Variants in ZNF778 observed in about 807,000 individuals in gnomAD.
ZNF778 encodes the protein zinc finger protein 778.
A neutral mutation model predicts 23.9 loss-of-function variants in ZNF778; 37 were observed. That is an observed-to-expected ratio of 1.54 (90% CI 1.19 to 2.03). The LOEUF (loss-of-function observed/expected upper bound fraction) is 2.03. ZNF778 is among the 30% of genes most tolerant of loss of function. ZNF778 has a pLI of 0.00. For synonymous variants in ZNF778, 483 were observed against 343.9 expected (o/e 1.40, Z -4.48); for missense variants, 1,297 against 934.4 (o/e 1.39, Z -5.06).
chr16:89,226,058 T>A (rs901589210), intron 6 of ZNF778, among the ~76,000 whole-genome samples: 2 of 152,122 alleles, frequency 1.3e-5, no homozygotes, highest in Non-Finnish European at 2.9e-5. Flanking sequence ...ACTAGAGGCA[T>A]GTGCCACCAT....
rs1369834531 is a variant in ZNF778, at chr16:89,227,859, T to G, written c.1571T>G (p.Met524Arg). The stretch of plus-strand genomic sequence containing the variant: ...GGGCGCTCAGGCCTCACTAAACACA[T>G]GCGGACACACACCGGGGAGAAGCCC... ...FTGRSGLTKH[M>R]RTHTGEKPYE... Residue 524 changes from methionine (M) to arginine (R), a missense_variant, in exon 7 of 7, where the codon ATG (methionine) becomes AGG (arginine). Physicochemically the swap from Met to Arg is moderately conservative, Grantham distance 91. Coordinates refer to ENST00000433976, the MANE Select transcript of ZNF778 (RefSeq NM_001201407.2). 2 of 1,613,872 alleles carry G rather than the reference T, an allele frequency of 1.2e-6. No homozygotes were observed. The highest frequency in any genetic ancestry group is 2.2e-5 in the East Asian group (1 of 44,832).
Position 89,230,844 on chromosome 16 carries a change from A to G in ZNF778, c.*2282A>G, listed in dbSNP as rs28399767. On this transcript the variant is annotated 3_prime_UTR_variant, in exon 7 of 7. Transcript: ENST00000433976. ...TGGATGGACAGACCCGTGCACCTTC[A>G]TATTACGTGTTTGAAATCCTGGATG... 15,847 of 151,864 alleles carry G rather than the reference A, an allele frequency of 0.1. 1,106 individuals are homozygous for G. The highest frequency in any genetic ancestry group is 0.2 in the African/African-American group (8,282 of 41,372). 9.4% of individuals were successfully genotyped at this position (151,864 alleles called of 1,614,324 possible). A position where few individuals can be genotyped will look rare whatever the true frequency, so the allele number is the denominator to read the frequency against.
Position 89,224,805 on chromosome 16 carries a change from A to G in ZNF778, c.328+3A>G, listed in dbSNP as rs74556383. ...AGGGCGGAGAGCAGTTCTCCAAGGT[A>G]AGTGTGAAGAGCACGCCTGGTCGAT... On this transcript the variant is annotated splice_donor_region_variant and intron_variant, in intron 5 of 6. Coordinates refer to ENST00000433976, the MANE Select transcript of ZNF778 (RefSeq NM_001201407.2). 6 of 532,806 alleles carry G rather than the reference A, an allele frequency of 1.1e-5. No individual in the cohort carries two copies. The highest frequency in any genetic ancestry group is 1.9e-5 in the Non-Finnish European group (6 of 319,824). 33.0% of individuals were successfully genotyped at this position (532,806 alleles called of 1,614,324 possible).
chr16:89,222,279 C>G, intron 3 of ZNF778, 96 bp downstream of exon 3: 1 of 901,810 alleles, frequency 1.1e-6, no homozygotes, highest in Non-Finnish European at 1.6e-6. Context: ...CAGCCTCACT[C>G]AAGGACCGAG....
At chr16:89,223,956 G>A (rs1463598833) in intron 4 of ZNF778, among the ~76,000 whole-genome samples, 1 of 152,230 alleles carries the variant, frequency 6.6e-6, no homozygotes, top group South Asian at 2.1e-4. Flanking sequence ...GGGTGCAGTG[G>A]CTCAGGGCTG....
rs1392849930 is a variant in ZNF778, at chr16:89,233,740, T to C, written c.*5178T>C. 3.4e-6 allele frequency: 4 copies of C among 1,164,176 alleles called. No individual in the cohort carries two copies. The highest frequency in any genetic ancestry group is 2.5e-5 in the Admixed American group (1 of 40,566). The allele number at this position is 1,164,176 out of a possible 1,614,324, so 72.1% of individuals were successfully genotyped here. A position where few individuals can be genotyped will look rare whatever the true frequency, so the allele number is the denominator to read the frequency against. On this transcript the variant is annotated 3_prime_UTR_variant, in exon 7 of 7. Transcript: ENST00000433976. ...CGTATGCAACTCAACTCGCACTGCA[T>C]ATGCAACTCAACTCGCACTGCGTAT...
At position 89,225,497 on chromosome 16, in the gene ZNF778, T is replaced by C. The variant is rs530785228; in HGVS notation, c.329-58T>C. On this transcript the variant is annotated intron_variant, in intron 5 of 6. Coordinates refer to ENST00000433976, the MANE Select transcript of ZNF778 (RefSeq NM_001201407.2). ...TTGTTTTTTTTTCTGCCATGTCTTA[T>C]ATGAAAACAAATACCAATGAGTTTG... The C allele has an allele frequency of 1.2e-5, 16 of 1,379,598 alleles. 1 individual carries two copies. In the African/African-American group the frequency reaches 2.0e-4, roughly 17 times the overall value. The allele number at this position is 1,379,598 out of a possible 1,614,324, so 85.5% of individuals were successfully genotyped here.
chr16:89,222,199 A>AT lies in ZNF778; in HGVS notation c.117+22dup, dbSNP rs779199506. On this transcript the variant is annotated intron_variant, in intron 3 of 6. Transcript: ENST00000433976. ...TTGTTACCAGGTATGCCAAAACTGT[A>AT]TTTTTTCTTAAAATAACATACTGGT... is the stretch of plus-strand genomic sequence containing the variant. 6 of 1,581,404 alleles carry AT rather than the reference A, an allele frequency of 3.8e-6. No individual in the cohort carries two copies. The African/African-American group carries it at 5.4e-5, about 14-fold the overall frequency.
At chr16:89,222,575 G>T (rs4785620) in intron 3 of ZNF778, among the ~76,000 whole-genome samples, 115,977 of 151,924 alleles carry the variant, frequency 0.76, 46,235 homozygotes, top group Non-Finnish European at 0.88. Flanking sequence ...TGTTGGCCAG[G>T]CTGGTCTTGA....
Position 89,227,158 on chromosome 16 carries a change from T to C in ZNF778, c.870T>C (p.Phe290=). The C allele has an allele frequency of 1.9e-6, 3 of 1,613,896 alleles. No homozygotes were observed. The highest frequency in any genetic ancestry group is 1.3e-5 in the African/African-American group (1 of 75,012). The change falls in exon 7 of 7, where the codon TTT becomes TTC. Residue 290 remains phenylalanine, a synonymous_variant. Transcript: ENST00000433976. ...PHVCRECGKA[F]RYTAYLTGRV... ...TATGTAGGGAATGTGGGAAGGCCTT[T>C]AGGTACACTGCCTACCTTACTGGTC...
In ZNF778 at chr16:89,230,476, G is replaced by A. The variant is rs12102609; in HGVS notation, c.*1914G>A. ...ACTGATGAGGCAGCTGCTGTGATCCGGCATTCATGGGGCAGCTGCTGCGAC... is the reference window on the plus strand; with the variant it reads ...ACTGATGAGGCAGCTGCTGTGATCCAGCATTCATGGGGCAGCTGCTGCGAC... On this transcript the variant is annotated 3_prime_UTR_variant, in exon 7 of 7. Coordinates refer to ENST00000433976, the MANE Select transcript of ZNF778 (RefSeq NM_001201407.2). The A allele has an allele frequency of 0.1, 15,769 of 152,028 alleles. 1,100 individuals carry two copies. Among genetic ancestry groups the A allele is most frequent in the African/African-American group, 0.2 (8,234 of 41,402 alleles). 9.4% of individuals were successfully genotyped at this position (152,028 alleles called of 1,614,324 possible).
chr16:89,228,056 G>A lies in ZNF778; in HGVS notation c.1768G>A (p.Glu590Lys). The A allele has an allele frequency of 6.2e-7, 1 of 1,613,048 alleles. No homozygotes were observed. The highest frequency in any genetic ancestry group is 8.5e-7 in the Non-Finnish European group (1 of 1,179,196). Reference sequence around the variant, plus strand: ...GATTCACACTGGAATAAAACCTTATGAATGTAAGGACTGTGGGAAAACATT... The same window carrying A: ...GATTCACACTGGAATAAAACCTTATAAATGTAAGGACTGTGGGAAAACATT... ...IQIHTGIKPY[E>K]CKDCGKTFTV... Residue 590 changes from glutamate to lysine, a missense_variant, in exon 7 of 7, where the codon GAA becomes AAA. Coordinates refer to ENST00000433976, the MANE Select transcript of ZNF778 (RefSeq NM_001201407.2).
Position 89,222,110 on chromosome 16 carries a change from A to T in ZNF778, c.44A>T (p.Asp15Val). The T allele has an allele frequency of 6.2e-7, 1 of 1,600,004 alleles. No homozygotes were observed. The highest frequency in any genetic ancestry group is 1.1e-5 in the South Asian group (1 of 89,810). The change falls in exon 3 of 7, where the codon GAC (aspartate) becomes GTC (valine). Residue 15 changes from aspartate to valine, a missense_variant. By Grantham distance (152) the Asp-to-Val change is radical. Transcript: ENST00000433976. ...TTTTTAGGAGGTCATGTTTCTAGGG[A>T]CTCAGTCTGCCTTCATGAAGAACAG... is the stretch of plus-strand genomic sequence containing the variant. ...DLAHGGHVSR[D>V]SVCLHEEQTQ...
At position 89,232,086 on chromosome 16, in the gene ZNF778, C is replaced by G. The variant is rs994407417; in HGVS notation, c.*3524C>G. 2.5e-5 allele frequency: 4 copies of G among 157,516 alleles called. No homozygotes were observed. The highest frequency in any genetic ancestry group is 7.2e-5 in the African/African-American group (3 of 41,432). 9.8% of individuals were successfully genotyped at this position (157,516 alleles called of 1,614,324 possible). The stretch of plus-strand genomic sequence containing the variant: ...TGCCCTCATCAAGTCTCATGTTGAG[C>G]TTTGACCCTCAGTGTGGCAGTGCTG... On this transcript the variant is annotated 3_prime_UTR_variant, in exon 7 of 7. Transcript: ENST00000433976.
chr16:89,223,196 C>A lies in ZNF778; in HGVS notation c.157C>A (p.Gln53Lys), dbSNP rs373310112. The A allele has an allele frequency of 6.2e-7, 1 of 1,613,882 alleles. No homozygotes were observed. The highest frequency in any genetic ancestry group is 1.1e-5 in the South Asian group (1 of 91,068). The change falls in exon 4 of 7, where the codon CAG (glutamine) becomes AAG (lysine). Residue 53 changes from glutamine to lysine, a missense_variant. Coordinates refer to ENST00000433976, the MANE Select transcript of ZNF778 (RefSeq NM_001201407.2). ...TFDDVAVDFT[Q>K]EEWTLLDPSQ... ...TGACGACGTGGCTGTGGACTTCACC[C>A]AGGAGGAATGGACTTTACTGGACCC...
rs2031301986 is a variant in ZNF778, at chr16:89,224,660, G to A, written c.245-59G>A. On this transcript the variant is annotated intron_variant, in intron 4 of 6. Coordinates refer to ENST00000433976, the MANE Select transcript of ZNF778 (RefSeq NM_001201407.2). The stretch of plus-strand genomic sequence containing the variant: ...AAGGAAATGTAGTTCCTGTTCACGG[G>A]TAGGTTTGTCATCCCCTGCCTGAGC... The A allele has an allele frequency of 7.5e-6, 9 of 1,206,306 alleles. 1 individual carries two copies. Among genetic ancestry groups the A allele is most frequent in the Non-Finnish European group, 1.1e-5 (9 of 847,028 alleles). The allele number at this position is 1,206,306 out of a possible 1,614,324, so 74.7% of individuals were successfully genotyped here. A position where few individuals can be genotyped will look rare whatever the true frequency, so the allele number is the denominator to read the frequency against.
chr16:89,228,265 C>T lies in ZNF778; in HGVS notation c.1977C>T (p.His659=), dbSNP rs747069694. ...ECGKAFASSS[H]LIEHRRTHTG... ...GGAAAGCCTTTGCTTCCTCCTCACA[C>T]CTTATCGAACACAGAAGGACTCACA... The change falls in exon 7 of 7, where the codon CAC becomes CAT. Residue 659 remains histidine (H), a synonymous_variant. Coordinates refer to ENST00000433976, the MANE Select transcript of ZNF778 (RefSeq NM_001201407.2). The T allele has an allele frequency of 6.2e-7, 1 of 1,605,648 alleles. No individual in the cohort carries two copies. Among genetic ancestry groups the T allele is most frequent in the East Asian group, 2.2e-5 (1 of 44,718 alleles).
At chr16:89,224,514 G>T in intron 4 of ZNF778, 1 of 469,290 alleles carries the variant, frequency 2.1e-6, no homozygotes, top group Non-Finnish European at 3.9e-6. Flanking sequence ...AGCTACTTAG[G>T]AGGCTGAGGC....
At chr16:89,221,553 G>C (rs963861990) in intron 2 of ZNF778, among the ~76,000 whole-genome samples, 1 of 151,138 alleles carries the variant, frequency 6.6e-6, no homozygotes, top group Non-Finnish European at 1.5e-5. Flanking sequence ...GTATGGCTCT[G>C]TGTGTGTGTT....
Sources: allele counts gnomAD v4.1 joint callset (sites outside exome capture counted in the v4.1 genomes callset), GRCh38; gene constraint gnomAD v4.1.1; transcripts MANE v1.5; gene names NCBI Gene and HGNC (gene_info 2026-07-23, HGNC 2026-07-21).